Variants in TCF12 observed in about 807,000 individuals in gnomAD.
TCF12 encodes DNA-binding protein HTF4.
A neutral mutation model predicts 86.0 loss-of-function variants in TCF12; 45 were observed. The ratio of observed to expected loss-of-function variants is 0.52; its 90% CI spans 0.41 to 0.67. The LOEUF (loss-of-function observed/expected upper bound fraction) is 0.67. Ranked by LOEUF, TCF12 falls within the 30% of genes least tolerant of loss-of-function variation. The pLI is 0.00. For synonymous variants in TCF12, 330 were observed against 299.6 expected (o/e 1.10, Z -1.05); for missense variants, 881 against 859.9 (o/e 1.02, Z -0.31).
At position 57,197,372 on chromosome 15, in the gene TCF12, G is replaced by A. The variant is rs1369300442; in HGVS notation, c.527-401G>A. Among the ~76,000 whole-genome samples, 6 of 151,992 alleles carry A rather than the reference G, an allele frequency of 3.9e-5. No homozygotes were observed. In the South Asian group the frequency reaches 1.0e-3, roughly 26 times the overall value. ...TGGGTTTCACCATGTTGGCCAGGCT[G>A]GTCTCAAACTCCTGACCTCAGGTGA... On this transcript the variant is annotated intron_variant, in intron 7 of 20. Coordinates refer to ENST00000333725, the MANE Select transcript of TCF12 (RefSeq NM_207037.2).
intron 3 of TCF12, among the ~76,000 whole-genome samples, chr15:56,972,156 C>T (rs963772995): frequency 2.0e-5 from 3 of 152,172 alleles, no homozygotes; most frequent in African/African-American, 7.2e-5. Context: ...TTTTCTCCAT[C>T]ACTAAAATGT....
At chr15:57,102,712 A>G (rs1030884459) in intron 5 of TCF12, among the ~76,000 whole-genome samples, 1 of 152,108 alleles carries the variant, frequency 6.6e-6, no homozygotes, top group South Asian at 2.1e-4. Flanking sequence ...GTGGTGAATT[A>G]TTTCTAAAGT....
At position 57,063,789 on chromosome 15, in the gene TCF12, G is replaced by C. The variant is rs1376257694; in HGVS notation, c.188G>C (p.Ser63Thr). The change falls in exon 4 of 21, where the codon AGT becomes ACT. Residue 63 changes from serine to threonine, a missense_variant. Around this residue, in one of 3 missense-constraint regions of TCF12, gnomAD observed 766 missense variants for 718.9 expected, o/e 1.07. Coordinates refer to ENST00000333725, the MANE Select transcript of TCF12 (RefSeq NM_207037.2). The part of the protein sequence containing the change: ...ERGGTTSWGT[S>T]GQPSPSYDSS... ...GGAGGTACAACATCTTGGGGAACAA[G>C]TGGTCAACCAAGTCCTTCCTATGAT... The C allele has an allele frequency of 6.2e-7, 1 of 1,602,810 alleles. No homozygotes were observed. Among genetic ancestry groups the C allele is most frequent in the Admixed American group, 1.7e-5 (1 of 59,950 alleles).
chr15:56,998,387 G>T (rs1255703347), intron 3 of TCF12, among the ~76,000 whole-genome samples: 1 of 151,022 alleles, frequency 6.6e-6, no homozygotes, highest in African/African-American at 2.4e-5. Flanking sequence ...AACCCAGGAG[G>T]TGGAGACTGC....
At chr15:57,232,643 A>G (rs1450035926) in intron 10 of TCF12, 69 bp from the exon 11 acceptor site, 3 of 1,522,514 alleles carry the variant, frequency 2.0e-6, no homozygotes, top group East Asian at 2.4e-5. Context: ...ACCTGTTATC[A>G]TAGTTGTCCA....
intron 3 of TCF12, among the ~76,000 whole-genome samples, chr15:56,978,603 A>G (rs1008011629): frequency 6.6e-6 from 1 of 152,214 alleles, no homozygotes; most frequent in Non-Finnish European, 1.5e-5. Flanking sequence ...TTTTTATTCC[A>G]TTATTTGTCT....
chr15:57,067,754 T>G (rs1318951842), intron 4 of TCF12, among the ~76,000 whole-genome samples: 1 of 152,076 alleles, frequency 6.6e-6, no homozygotes, highest in Admixed American at 6.6e-5. Flanking sequence ...GCAGAGAGCA[T>G]AGACACACAC....
intron 16 of TCF12, among the ~76,000 whole-genome samples, chr15:57,258,491 GA>G (rs1420506363): frequency 6.6e-6 from 1 of 152,118 alleles, no homozygotes; most frequent in African/African-American, 2.4e-5. Flanking sequence ...AAAACTAAAT[GA>G]AATTCGAAGC....
intron 6 of TCF12, among the ~76,000 whole-genome samples, chr15:57,182,598 G>T (rs1294230843): frequency 1.3e-5 from 2 of 151,998 alleles, no homozygotes; most frequent in Non-Finnish European, 2.9e-5. Context: ...CAGGAAAATG[G>T]TTATTTCTGT....
At chr15:57,121,333 A>G (rs1170104373) in intron 5 of TCF12, among the ~76,000 whole-genome samples, 2 of 152,206 alleles carry the variant, frequency 1.3e-5, no homozygotes, top group Non-Finnish European at 2.9e-5. Flanking sequence ...GAGCAGTTCC[A>G]TGAGTTCACT....
intron 3 of TCF12, among the ~76,000 whole-genome samples, chr15:56,983,413 A>C (rs549217365): frequency 6.6e-6 from 1 of 152,304 alleles, no homozygotes; most frequent in South Asian, 2.1e-4. Context: ...GAAAATAATT[A>C]TATAAACCTG....
chr15:56,950,964 C>G (rs1245823193), intron 3 of TCF12, among the ~76,000 whole-genome samples: 1 of 151,828 alleles, frequency 6.6e-6, no homozygotes, highest in Non-Finnish European at 1.5e-5. Context: ...CTATGTTGGT[C>G]AGGCTGGTCT....
At chr15:56,968,682 C>G (rs1398940519) in intron 3 of TCF12, among the ~76,000 whole-genome samples, 6 of 152,168 alleles carry the variant, frequency 3.9e-5, no homozygotes, top group African/African-American at 1.4e-4. Context: ...TCGTGAACCC[C>G]AAATATCTGA....
chr15:57,283,780 T>C (rs1348473460), intron 20 of TCF12, among the ~76,000 whole-genome samples: 1 of 152,212 alleles, frequency 6.6e-6, no homozygotes, highest in East Asian at 1.9e-4. Flanking sequence ...CTACAAATAT[T>C]AGTAACTCAC....
At chr15:56,943,158 A>G (rs1393293404) in intron 3 of TCF12, among the ~76,000 whole-genome samples, 2 of 152,158 alleles carry the variant, frequency 1.3e-5, no homozygotes, top group Admixed American at 6.5e-5. Context: ...TTTTTTACAC[A>G]ATAGGGAACA....
At chr15:57,152,061 CA>C (rs1473158993) in intron 5 of TCF12, among the ~76,000 whole-genome samples, 2 of 152,182 alleles carry the variant, frequency 1.3e-5, no homozygotes, top group Non-Finnish European at 2.9e-5. Flanking sequence ...ACACTAGGCA[CA>C]ACAGGTGATC....
At chr15:57,180,971 C>T (rs1302945399) in intron 6 of TCF12, among the ~76,000 whole-genome samples, 1 of 151,666 alleles carries the variant, frequency 6.6e-6, no homozygotes, top group Non-Finnish European at 1.5e-5. Flanking sequence ...CCCGCCACCA[C>T]GCCCGCCTAA....
At chr15:57,184,125 G>A (rs1334838770) in intron 6 of TCF12, among the ~76,000 whole-genome samples, 1 of 151,490 alleles carries the variant, frequency 6.6e-6, no homozygotes, top group Non-Finnish European at 1.5e-5. Context: ...TTGTCCCTCT[G>A]ACGTATTAGA....
intron 3 of TCF12, among the ~76,000 whole-genome samples, chr15:56,925,018 G>A (rs933620055): frequency 6.6e-6 from 1 of 152,176 alleles, no homozygotes; most frequent in Admixed American, 6.5e-5. Flanking sequence ...GGCCAACATG[G>A]TGAAACCCTA....
Sources: allele counts gnomAD v4.1 joint callset (sites outside exome capture counted in the v4.1 genomes callset), GRCh38; gene constraint gnomAD v4.1.1; regional missense constraint gnomAD v4.1.1; transcripts MANE v1.5; gene names NCBI Gene and HGNC (gene_info 2026-07-23, HGNC 2026-07-21).